The following CNTNAP5 variants were observed in gnomAD, a reference collection of about 807,000 sequenced individuals.
CNTNAP5 encodes contactin-associated protein-like 5.
In CNTNAP5, 72 loss-of-function variants were observed where a neutral mutation model predicts 150.2. The ratio of observed to expected loss-of-function variants is 0.48; its 90% CI spans 0.40 to 0.58. CNTNAP5 has a LOEUF of 0.58. Ranked by LOEUF, CNTNAP5 falls within the 20% of genes least tolerant of loss-of-function variation. The pLI is 0.00. For missense variants in CNTNAP5, 1,636 were observed against 1,626.2 expected, an observed-to-expected ratio of 1.01 and a Z score of -0.10; for synonymous variants, 672 against 619.8, an observed-to-expected ratio of 1.08 and a Z score of -1.25.
intron 3 of CNTNAP5, among the ~76,000 whole-genome samples, chr2:124,249,979 GTGTGTGTGTGTGTA>G (rs1403921526): frequency 9.9e-6 from 1 of 101,190 alleles, no homozygotes; most frequent in African/African-American, 4.9e-5. Flanking sequence ...GTGTGTGTGT[GTGTGTGTGTGTGTA>G]TGTGTTTCTT....
chr2:124,872,079 A>T (rs753971126), intron 21 of CNTNAP5, among the ~76,000 whole-genome samples: 28 of 152,048 alleles, frequency 1.8e-4, no homozygotes, highest in Non-Finnish European at 3.8e-4. Context: ...TTAGCATCAC[A>T]TTCACTAGTC....
At chr2:124,840,154 A>T (rs1165297337) in intron 19 of CNTNAP5, among the ~76,000 whole-genome samples, 1 of 152,054 alleles carries the variant, frequency 6.6e-6, no homozygotes, top group African/African-American at 2.4e-5. Flanking sequence ...TCCTGGAGAG[A>T]TGACTGACAG....
At chr2:124,103,845 TA>T (rs1334916892) in intron 1 of CNTNAP5, among the ~76,000 whole-genome samples, 3 of 145,958 alleles carry the variant, frequency 2.1e-5, no homozygotes, top group African/African-American at 7.7e-5. Flanking sequence ...ATATAGTTAA[TA>T]ATAGATATAT....
intron 13 of CNTNAP5, among the ~76,000 whole-genome samples, chr2:124,675,139 T>C (rs1678912955): frequency 6.6e-6 from 1 of 152,146 alleles, no homozygotes; most frequent in African/African-American, 2.4e-5. Flanking sequence ...TTGTTAGTCG[T>C]ATAAATGTTT....
intron 1 of CNTNAP5, among the ~76,000 whole-genome samples, chr2:124,081,432 A>G (rs1304900795): frequency 6.6e-6 from 1 of 152,154 alleles, no homozygotes; most frequent in Non-Finnish European, 1.5e-5. Flanking sequence ...TCACCATCCT[A>G]GCAACCTTCT....
rs571182079 is a variant in CNTNAP5, at chr2:124,435,424, G to A, written c.733+737G>A. On this transcript the variant is annotated intron_variant, in intron 5 of 23. Transcript: ENST00000682447. ...AAAGGCACTTCTGAAGGAAGGGTAA[G>A]CTGAGTACAAAAGGCAGGAGCACAG... Among the ~76,000 whole-genome samples, 93 of 152,090 alleles carry A rather than the reference G, an allele frequency of 6.1e-4. 2 individuals are homozygous for A. Among genetic ancestry groups the A allele is most frequent in the African/African-American group, 2.1e-3 (88 of 41,498 alleles).
intron 19 of CNTNAP5, among the ~76,000 whole-genome samples, chr2:124,815,811 T>C (rs554084539): frequency 6.6e-6 from 1 of 152,272 alleles, no homozygotes; most frequent in Admixed American, 6.5e-5. Flanking sequence ...CATGGAAAGG[T>C]GTATAACTGA....
At chr2:124,554,948 A>G (rs1414033054) in intron 10 of CNTNAP5, among the ~76,000 whole-genome samples, 1 of 152,210 alleles carries the variant, frequency 6.6e-6, no homozygotes, top group Non-Finnish European at 1.5e-5. Context: ...ATGTTTTTAG[A>G]AAAATTTAAA....
At chr2:124,453,868 A>G (rs898792189) in intron 6 of CNTNAP5, among the ~76,000 whole-genome samples, 2 of 152,320 alleles carry the variant, frequency 1.3e-5, no homozygotes, top group African/African-American at 4.8e-5. Flanking sequence ...GCATTACAAG[A>G]ACTGTTAAAA....
intron 14 of CNTNAP5, among the ~76,000 whole-genome samples, chr2:124,754,817 T>A (rs1356025366): frequency 6.6e-6 from 1 of 152,066 alleles, no homozygotes; most frequent in Non-Finnish European, 1.5e-5. Flanking sequence ...ACTCTCAAAG[T>A]TATGGGATTA....
intron 11 of CNTNAP5, among the ~76,000 whole-genome samples, chr2:124,605,794 C>CGACA (rs2104979070): frequency 7.7e-6 from 1 of 129,338 alleles, no homozygotes; most frequent in Admixed American, 8.8e-5. Context: ...CCTGGGTGAC[C>CGACA]GAGCAAGACT....
Position 124,446,832 on chromosome 2 carries a change from G to T in CNTNAP5, c.813G>T (p.Ser271=). 8 of 1,613,848 alleles carry T rather than the reference G, an allele frequency of 5.0e-6. No individual in the cohort carries two copies. The highest frequency in any genetic ancestry group is 6.8e-6 in the Non-Finnish European group (8 of 1,179,836). The stretch of plus-strand genomic sequence containing the variant: ...TCCTGGATGACCAGCACTGGCACTC[G>T]GTCCTCATTGAGCGGGTGGGCAAGC... ...GSLLDDQHWH[S]VLIERVGKQV... The change falls in exon 6 of 24, where the codon TCG becomes TCT. Residue 271 remains serine, a synonymous_variant. Transcript: ENST00000682447.
chr2:124,333,244 C>T (rs1008278158), intron 3 of CNTNAP5, among the ~76,000 whole-genome samples: 14 of 151,980 alleles, frequency 9.2e-5, no homozygotes, highest in African/African-American at 2.9e-4. Context: ...ACTCCAACCT[C>T]GGCAACAAAG....
chr2:124,689,762 C>T (rs1679263982), intron 13 of CNTNAP5, among the ~76,000 whole-genome samples: 2 of 152,108 alleles, frequency 1.3e-5, no homozygotes, highest in South Asian at 2.1e-4. Context: ...TATTTATAAT[C>T]TTCATAATAT....
chr2:124,322,362 G>T (rs992158719), intron 3 of CNTNAP5, among the ~76,000 whole-genome samples: 1 of 152,028 alleles, frequency 6.6e-6, no homozygotes, highest in African/African-American at 2.4e-5. Context: ...TCCCAGCTCT[G>T]CCAGAAACCA....
intron 3 of CNTNAP5, among the ~76,000 whole-genome samples, chr2:124,398,214 C>A (rs1244537563): frequency 6.6e-6 from 1 of 152,114 alleles, no homozygotes; most frequent in Non-Finnish European, 1.5e-5. Flanking sequence ...GGAGACCAAC[C>A]TAAATACAGA....
Position 124,446,875 on chromosome 2 carries a change from G to A in CNTNAP5, c.856G>A (p.Asp286Asn). 6.2e-7 allele frequency: 1 copy of A among 1,613,958 alleles called. No individual in the cohort carries two copies. ...RVGKQVNFTV[D>N]KHTQHFRTKG... is the part of the protein sequence containing the mutation. ...GGGCAAGCAGGTGAACTTCACGGTG[G>A]ACAAGCACACACAGCACTTCCGCAC... The change falls in exon 6 of 24, where the codon GAC becomes AAC. Residue 286 changes from aspartate (D) to asparagine (N), a missense_variant. Coordinates refer to ENST00000682447, the MANE Select transcript of CNTNAP5 (RefSeq NM_001367498.1).
At chr2:124,905,360 T>C (rs1459792891) in intron 22 of CNTNAP5, among the ~76,000 whole-genome samples, 1 of 152,096 alleles carries the variant, frequency 6.6e-6, no homozygotes, top group Non-Finnish European at 1.5e-5. Flanking sequence ...ACAGCCATTA[T>C]GGAAAAGAGT....
intron 11 of CNTNAP5, among the ~76,000 whole-genome samples, chr2:124,597,103 C>T (rs1696845995): frequency 6.6e-6 from 1 of 150,572 alleles, no homozygotes; most frequent in African/African-American, 2.4e-5. Flanking sequence ...TCCAATTTGC[C>T]AGTCTGTGTC....
Sources: gnomAD v4.1 joint callset for allele counts (sites outside exome capture counted in the v4.1 genomes callset) on GRCh38, gnomAD v4.1.1 for gene constraint, MANE v1.5 for transcripts, NCBI Gene and HGNC (gene_info 2026-07-23, HGNC 2026-07-21) for gene names.